The following SENP1 variants were observed in gnomAD, a reference collection of about 807,000 sequenced individuals.
SENP1 encodes the protein SUMO specific peptidase 1, also known as sentrin-specific protease 1.
In SENP1, 21 loss-of-function variants were observed where a neutral mutation model predicts 93.0. The ratio of observed to expected loss-of-function variants is 0.23; its 90% CI spans 0.16 to 0.33. The LOEUF is 0.33. Ranked by LOEUF, SENP1 falls within the 10% of genes least tolerant of loss-of-function variation. SENP1 has a pLI of 1.00. For missense variants in SENP1, 591 were observed against 758.7 expected, an observed-to-expected ratio of 0.78 and a Z score of 2.60; for synonymous variants, 256 against 259.6, an observed-to-expected ratio of 0.99 and a Z score of 0.13.
chr12:48,085,027 TG>T, intron 5 of SENP1: 2 of 1,072,658 alleles, frequency 1.9e-6, no homozygotes, highest in African/African-American at 1.6e-5. Flanking sequence ...GAGTGGCTTC[TG>T]GTGCTCTGGG....
chr12:48,053,911 T>C (rs1003562299), intron 13 of SENP1, among the ~76,000 whole-genome samples: 4 of 150,780 alleles, frequency 2.7e-5, no homozygotes, highest in Admixed American at 6.6e-5. Flanking sequence ...TAATAACTAA[T>C]ATGGGTTTAT....
In SENP1 at chr12:48,077,565, C is replaced by T. The variant is rs138311374; in HGVS notation, c.553-2772G>A. 1.7e-3 allele frequency among the ~76,000 whole-genome samples: 260 copies of T among 152,228 alleles called. 1 individual carries two copies. Among genetic ancestry groups the T allele is most frequent in the African/African-American group, 6.1e-3 (253 of 41,510 alleles). ...AGCACCTTTGTCAAAAATCAGTCAA[C>T]TAGCTATATAACGGGTTCACTTTTT... On this transcript the variant is annotated intron_variant, in intron 6 of 17. Coordinates refer to ENST00000549518, the MANE Select transcript of SENP1 (RefSeq NM_001267594.2).
Position 48,074,626 on chromosome 12 carries a change from T to G in SENP1, c.657-19A>C. ...TCGAGACCTAGCAAGAGAAGAATAT[T>G]GTTTCAATATCAAGTAATAAATTGT... On this transcript the variant is annotated intron_variant, in intron 7 of 17. Transcript: ENST00000549518. 2 of 1,609,148 alleles carry G rather than the reference T, an allele frequency of 1.2e-6. No individual in the cohort carries two copies. Among genetic ancestry groups the G allele is most frequent in the East Asian group, 4.5e-5 (2 of 44,804 alleles).
At chr12:48,101,362 A>T in intron 2 of SENP1, 107 bp downstream of exon 2, 1 of 838,648 alleles carries the variant, frequency 1.2e-6, no homozygotes, top group East Asian at 2.7e-5. Flanking sequence ...TAAAATTATT[A>T]TTAAGCACAA....
chr12:48,083,193 C>T (rs996387648), intron 6 of SENP1, among the ~76,000 whole-genome samples: 2 of 152,170 alleles, frequency 1.3e-5, no homozygotes, highest in African/African-American at 2.4e-5. Context: ...GCATGAGCCA[C>T]GTCACGTGGA....
At chr12:48,077,395 CTAGTCT>C (rs988168714) in intron 6 of SENP1, among the ~76,000 whole-genome samples, 1 of 152,106 alleles carries the variant, frequency 6.6e-6, no homozygotes, top group Admixed American at 6.5e-5. Flanking sequence ...TTTAGAGTTT[CTAGTCT>C]TAAAGTCTTT....
chr12:48,050,677 A>G (rs1000215278), intron 13 of SENP1, among the ~76,000 whole-genome samples: 1 of 152,216 alleles, frequency 6.6e-6, no homozygotes, highest in Non-Finnish European at 1.5e-5. Context: ...CCTCAGGATA[A>G]TGGTGCTAAA....
intron 1 of SENP1, chr12:48,105,789 A>T (rs964365198): frequency 2.6e-5 from 15 of 582,326 alleles, no homozygotes; most frequent in Non-Finnish European, 3.1e-6. Flanking sequence ...CAGGAGAGAG[A>T]GACCAGAAGG....
intron 6 of SENP1, chr12:48,081,441 AT>A (rs1327317786): frequency 6.6e-6 from 1 of 151,466 alleles, no homozygotes; most frequent in African/African-American, 2.4e-5. Context: ...GTTAAAAAAA[AT>A]CTCCTTTTCA....
intron 13 of SENP1, 24 bp downstream of exon 13, chr12:48,063,686 A>G: frequency 6.3e-7 from 1 of 1,597,040 alleles, no homozygotes; most frequent in Non-Finnish European, 8.5e-7. Flanking sequence ...TACTATTTGT[A>G]TGTAAAAATA....
At position 48,082,118 on chromosome 12, in the gene SENP1, T is replaced by C. The variant is rs11168398; in HGVS notation, c.552+1473A>G. ...ATTAGCCAGGATGGTCTTCATCTCC[T>C]GACCTCGTGATCCGCCCGTCTCAGC... On this transcript the variant is annotated intron_variant, in intron 6 of 17. Coordinates refer to ENST00000549518, the MANE Select transcript of SENP1 (RefSeq NM_001267594.2). Among the ~76,000 whole-genome samples the C allele has an allele frequency of 4.0e-5, 6 of 151,778 alleles. No individual in the cohort carries two copies. In the East Asian group the frequency reaches 9.7e-4, roughly 25 times the overall value.
intron 8 of SENP1, among the ~76,000 whole-genome samples, chr12:48,072,212 A>C (rs1353891180): frequency 6.6e-6 from 1 of 152,170 alleles, no homozygotes; most frequent in East Asian, 1.9e-4. Context: ...ATCCAGCTCT[A>C]TTTCAGGCAT....
intron 3 of SENP1, 122 bp downstream of exon 3, chr12:48,097,872 C>A: frequency 1.1e-6 from 1 of 878,324 alleles, no homozygotes; most frequent in Non-Finnish European, 1.7e-6. Context: ...ACTAAAATTA[C>A]TGATTCTAAA....
At chr12:48,105,971 T>A (rs1592540459) in intron 1 of SENP1, 57 bp downstream of exon 1, 2 of 699,408 alleles carry the variant, frequency 2.9e-6, no homozygotes, top group East Asian at 5.4e-5. Context: ...CGACACAGTC[T>A]CCTGGACCAG....
chr12:48,074,939 G>C (rs1384426865), intron 6 of SENP1, 146 bp from the exon 7 acceptor site: 1 of 611,840 alleles, frequency 1.6e-6, no homozygotes, highest in East Asian at 2.8e-5. Flanking sequence ...TAACACAGTG[G>C]CTCATGCCTG....
At chr12:48,102,207 T>C (rs547126481) in intron 1 of SENP1, among the ~76,000 whole-genome samples, 1 of 152,214 alleles carries the variant, frequency 6.6e-6, no homozygotes, top group East Asian at 1.9e-4. Flanking sequence ...GGCAGATCAC[T>C]TGGCCAAGGA....
chr12:48,061,043 G>C lies in SENP1; in HGVS notation c.1407+2667C>G, dbSNP rs559687332. Among the ~76,000 whole-genome samples, 8 of 152,228 alleles carry C rather than the reference G, an allele frequency of 5.3e-5. No individual in the cohort carries two copies. In the East Asian group the frequency reaches 1.3e-3, roughly 26 times the overall value. On this transcript the variant is annotated intron_variant, in intron 13 of 17. Coordinates refer to ENST00000549518, the MANE Select transcript of SENP1 (RefSeq NM_001267594.2). ...ATCTTAAAACCTACTGTATGAATAGGTACTGTGGTCACTCTTCTTTTAGGA... is the reference window on the plus strand; with the variant it reads ...ATCTTAAAACCTACTGTATGAATAGCTACTGTGGTCACTCTTCTTTTAGGA...
chr12:48,054,073 C>T (rs994446642), intron 13 of SENP1, among the ~76,000 whole-genome samples: 15 of 152,174 alleles, frequency 9.9e-5, no homozygotes, highest in Admixed American at 3.3e-4. Flanking sequence ...TCCTGCTTCA[C>T]GTAGGATAGG....
intron 1 of SENP1, among the ~76,000 whole-genome samples, chr12:48,104,234 T>TAG (rs58228829): frequency 6.0e-5 from 4 of 66,342 alleles, no homozygotes; most frequent in Non-Finnish European, 1.0e-4. Context: ...AAAATATATA[T>TAG]AGAGAGAGAG....
Sources: gnomAD v4.1 joint callset for allele counts (sites outside exome capture counted in the v4.1 genomes callset) on GRCh38, gnomAD v4.1.1 for gene constraint, MANE v1.5 for transcripts, NCBI Gene and HGNC (gene_info 2026-07-23, HGNC 2026-07-21) for gene names.